ZNF469: variants seen among roughly 807,000 people sequenced by gnomAD.
The protein encoded by ZNF469 is zinc finger protein 469.
In ZNF469, 1 loss-of-function variant was observed where a neutral mutation model predicts 1.0. The observed-to-expected ratio is 1.00, with a 90% confidence interval of 0.35 to 4.73. The LOEUF (loss-of-function observed/expected upper bound fraction) is 4.73. Among genes scored for constraint, ZNF469 ranks in the 30% most tolerant of loss-of-function variants. The pLI is 0.16. For missense variants in ZNF469, 6,100 were observed against 5,356.3 expected, an observed-to-expected ratio of 1.14 and a Z score of -4.33; for synonymous variants, 2,703 against 2,363.4, an observed-to-expected ratio of 1.14 and a Z score of -4.17.
the ZNF469 span, among the ~76,000 whole-genome samples, chr16:88,313,867 A>G: frequency 9.6e-5 from 14 of 146,578 alleles, no homozygotes; most frequent in Middle Eastern, 4.0e-3. Context: ...ATGCTGGTGT[A>G]GAATATCTCT....
chr16:88,223,967 T>C, the ZNF469 span, among the ~76,000 whole-genome samples: 1 of 152,238 alleles, frequency 6.6e-6, no homozygotes, highest in African/African-American at 2.4e-5. Context: ...GAATGGGGGT[T>C]GGGGCATTTT....
the ZNF469 span, among the ~76,000 whole-genome samples, chr16:88,151,716 G>A: frequency 3.9e-5 from 6 of 152,276 alleles, no homozygotes; most frequent in East Asian, 1.9e-4. This position sits in a 1 kb window ranked among gnomAD's most constrained non-coding sequence, Gnocchi z 5.4. Context: ...AATGTTCCCC[G>A]TAACCCAACC....
the ZNF469 span, among the ~76,000 whole-genome samples, chr16:88,199,758 C>T: frequency 6.6e-6 from 1 of 152,204 alleles, no homozygotes; most frequent in African/African-American, 2.4e-5. Context: ...TCAGGTCACA[C>T]CACCATTCCA....
the ZNF469 span, among the ~76,000 whole-genome samples, chr16:88,325,869 G>A: frequency 6.6e-6 from 1 of 152,194 alleles, no homozygotes; most frequent in Non-Finnish European, 1.5e-5. Context: ...CAGAAGGATC[G>A]GTGCTCTGCC....
rs1399532959 is a variant in ZNF469 at position 88,430,191 on chromosome 16, C to A, written c.2721C>A (p.Asp907Glu). Residue 907 changes from aspartate to glutamate, a missense_variant, in exon 3 of 3, where the codon GAC (aspartate) becomes GAA (glutamate). By Grantham distance (45) the Asp-to-Glu change is conservative. Transcript: ENST00000565624. Reference protein sequence around the residue: ...APPPLPAATPDPQTPRPGDRG... With the variant: ...APPPLPAATPEPQTPRPGDRG... ...CCCCGCTCCCAGCAGCCACGCCGGACCCCCAAACCCCCCGCCCTGGGGACA... is the reference window on the plus strand; with the variant it reads ...CCCCGCTCCCAGCAGCCACGCCGGAACCCCAAACCCCCCGCCCTGGGGACA... The A allele has an allele frequency of 6.5e-7, 1 of 1,546,776 alleles. No homozygotes were observed. The highest frequency in any genetic ancestry group is 1.4e-5 in the African/African-American group (1 of 73,094).
At chr16:88,305,323 G>GGC in the ZNF469 span, among the ~76,000 whole-genome samples, 20 of 44,156 alleles carry the variant, frequency 4.5e-4, no homozygotes, top group African/African-American at 1.2e-3. Context: ...CACACACACA[G>GGC]GCACACACGC....
rs764584228 is a variant in ZNF469 at position 88,434,411 on chromosome 16, C to T, written c.6941C>T (p.Pro2314Leu). ...CCAGACCCCCAGAGCAGGGGAGCCC[C>T]GCCCCACACCAACCCTGACAGGATG... ...PGPDPQSRGAPPHTNPDRMPR... is the reference protein window; with the variant it reads ...PGPDPQSRGALPHTNPDRMPR... Residue 2314 changes from proline (P) to leucine (L), a missense_variant, in exon 3 of 3, where the codon CCG (proline) becomes CTG (leucine). By Grantham distance (98) the Pro-to-Leu change is moderately conservative. Transcript: ENST00000565624. The T allele has an allele frequency of 1.3e-5, 20 of 1,549,630 alleles. No individual in the cohort carries two copies. The highest frequency in any genetic ancestry group is 5.5e-5 in the African/African-American group (4 of 73,038).
chr16:88,165,753 T>TGTA, the ZNF469 span, among the ~76,000 whole-genome samples: 1 of 152,166 alleles, frequency 6.6e-6, no homozygotes, highest in African/African-American at 2.4e-5. Context: ...ACACTGAAAC[T>TGTA]GTGTCCCCAC....
rs969384437 is a variant in ZNF469, at chr16:88,439,185, C to A, written c.11715C>A (p.Pro3905=). ...FPQGRPLLRP[P]KRGTAVHGAE... is the part of the protein sequence containing the mutation. ...AGGGGAGACCCCTGCTCAGGCCCCCCAAGAGGGGCACAGCTGTCCACGGTG... is the reference window on the plus strand; with the variant it reads ...AGGGGAGACCCCTGCTCAGGCCCCCAAAGAGGGGCACAGCTGTCCACGGTG... Residue 3905 remains proline, a synonymous_variant, in exon 3 of 3, where the codon CCC becomes CCA. Transcript: ENST00000565624. 57 of 1,550,326 alleles carry A rather than the reference C, an allele frequency of 3.7e-5. No homozygotes were observed. The highest frequency in any genetic ancestry group is 4.7e-5 in the Non-Finnish European group (54 of 1,146,978).
the ZNF469 span, among the ~76,000 whole-genome samples, chr16:88,130,335 G>A: frequency 2.0e-5 from 3 of 152,132 alleles, no homozygotes; most frequent in Non-Finnish European, 4.4e-5. Context: ...CTGCCAAAAC[G>A]TGATATCGGC....
intron 1 of ZNF469, among the ~76,000 whole-genome samples, chr16:88,400,260 C>A (rs1904816804): frequency 1.3e-5 from 2 of 152,212 alleles, no homozygotes. Context: ...ACCCTTTCTG[C>A]CCTCCTTGGA....
the ZNF469 span, among the ~76,000 whole-genome samples, chr16:88,219,366 C>G: frequency 1.9e-3 from 263 of 136,428 alleles, no homozygotes; most frequent in Middle Eastern, 7.1e-3. Flanking sequence ...TGACTTCAAA[C>G]TATACTACAA....
the ZNF469 span, among the ~76,000 whole-genome samples, chr16:88,238,164 C>G: frequency 6.6e-6 from 1 of 152,262 alleles, no homozygotes; most frequent in African/African-American, 2.4e-5. Flanking sequence ...ACTGGGAGCT[C>G]TGACGGGGAG....
At chr16:88,156,967 T>A in the ZNF469 span, among the ~76,000 whole-genome samples, 6 of 152,308 alleles carry the variant, frequency 3.9e-5, no homozygotes, top group East Asian at 7.7e-4. Flanking sequence ...GCACAAAATG[T>A]CCTTGGTAAC....
the ZNF469 span, among the ~76,000 whole-genome samples, chr16:88,304,595 C>T: frequency 6.6e-6 from 1 of 152,188 alleles, no homozygotes; most frequent in African/African-American, 2.4e-5. Context: ...CAGGGCTTCA[C>T]CCAGCTGCTT....
intron 1 of ZNF469, among the ~76,000 whole-genome samples, chr16:88,418,620 G>T (rs1179726164): frequency 6.8e-6 from 1 of 148,032 alleles, no homozygotes; most frequent in African/African-American, 2.5e-5. Context: ...TCTCCCTCCT[G>T]TTAAAGGATC....
In ZNF469 at chr16:88,413,907, G is replaced by A. The variant is rs139897365; in HGVS notation, c.-191-10900G>A. Among the ~76,000 whole-genome samples, 38 of 152,362 alleles carry A rather than the reference G, an allele frequency of 2.5e-4. No homozygotes were observed. The East Asian group carries it at 7.0e-3, about 28-fold the overall frequency. On this transcript the variant is annotated intron_variant, in intron 1 of 2. Transcript: ENST00000565624. ...CATGGAGGCAGGTGCCATGGAAGCA[G>A]GCGCTATGGTGGCACTTAGAGACAG...
the ZNF469 span, among the ~76,000 whole-genome samples, chr16:88,138,805 A>C: frequency 6.6e-6 from 1 of 152,264 alleles, no homozygotes; most frequent in Non-Finnish European, 1.5e-5. Context: ...AGTCAGTAGC[A>C]AAACAAGGGT....
the ZNF469 span, among the ~76,000 whole-genome samples, chr16:88,202,249 G>A: frequency 6.6e-6 from 1 of 152,208 alleles, no homozygotes; most frequent in Non-Finnish European, 1.5e-5. Flanking sequence ...TGCACTGTGA[G>A]GCAGACACCA....
Sources: gnomAD v4.1 joint callset for allele counts (sites outside exome capture counted in the v4.1 genomes callset) on GRCh38, gnomAD v4.1.1 for gene constraint, Gnocchi (gnomAD v3.1) non-coding constraint, MANE v1.5 for transcripts, NCBI Gene and HGNC (gene_info 2026-07-23, HGNC 2026-07-21) for gene names.